The following ST6GALNAC3 variants were observed in gnomAD, a reference collection of about 807,000 sequenced individuals.
ST6GALNAC3 encodes the protein alpha-N-acetylgalactosaminide alpha-2,6-sialyltransferase 3.
ST6GALNAC3 carries 25 observed loss-of-function variants against 32.7 expected under a neutral mutation model. The ratio of observed to expected loss-of-function variants is 0.76; its 90% CI spans 0.56 to 1.07. The LOEUF (loss-of-function observed/expected upper bound fraction) is 1.07. Ranked by LOEUF, ST6GALNAC3 falls within the 50% of genes least tolerant of loss-of-function variation. The probability of loss-of-function intolerance (pLI) is 0.00; values close to 1 mark genes in which losing one functional copy is unlikely to be tolerated. For synonymous variants in ST6GALNAC3, 129 were observed against 133.1 expected, an observed-to-expected ratio of 0.97 and a Z score of 0.21; for missense variants, 355 against 382.4, an observed-to-expected ratio of 0.93 and a Z score of 0.60.
At chr1:76,601,789 G>A (rs1186113352) in intron 3 of ST6GALNAC3, among the ~76,000 whole-genome samples, 5 of 152,186 alleles carry the variant, frequency 3.3e-5, no homozygotes, top group Admixed American at 3.3e-4. Context: ...AATGAGTAAG[G>A]AATGGGAAAG....
intron 1 of ST6GALNAC3, among the ~76,000 whole-genome samples, chr1:76,236,637 G>A (rs1656676986): frequency 6.6e-6 from 1 of 152,090 alleles, no homozygotes; most frequent in African/African-American, 2.4e-5. Flanking sequence ...AGATTTTGAT[G>A]TACCTGAGGC....
At chr1:76,077,973 A>G (rs1415858596) in intron 1 of ST6GALNAC3, among the ~76,000 whole-genome samples, 3 of 152,210 alleles carry the variant, frequency 2.0e-5, no homozygotes, top group Non-Finnish European at 2.9e-5. Context: ...TTAGGTTACA[A>G]TGTGAAGAAT....
At chr1:76,603,436 A>G (rs1647332533) in intron 3 of ST6GALNAC3, among the ~76,000 whole-genome samples, 1 of 152,234 alleles carries the variant, frequency 6.6e-6, no homozygotes, top group East Asian at 1.9e-4. Flanking sequence ...TGGATCTCAC[A>G]AACAAAATAT....
chr1:76,577,403 G>A lies in ST6GALNAC3; in HGVS notation c.624-50049G>A, dbSNP rs1320742865. ...TAGTGGAAATCGCTCTTGTGAAAAC[G>A]AGCCCTGATAGTATCTTGGCTCACT... On this transcript the variant is annotated intron_variant, in intron 3 of 4. Coordinates refer to ENST00000328299, the MANE Select transcript of ST6GALNAC3 (RefSeq NM_152996.4). 6 of 839,870 alleles carry A rather than the reference G, an allele frequency of 7.1e-6. No individual in the cohort carries two copies. In the African/African-American group the frequency reaches 7.4e-5, roughly 10 times the overall value. 52.0% of individuals were successfully genotyped at this position (839,870 alleles called of 1,614,324 possible). A position where few individuals can be genotyped will look rare whatever the true frequency, so the allele number is the denominator to read the frequency against.
Position 76,283,351 on chromosome 1 carries a change from T to C in ST6GALNAC3, c.19-30454T>C, listed in dbSNP as rs541533241. On this transcript the variant is annotated intron_variant, in intron 1 of 4. Transcript: ENST00000328299. The stretch of plus-strand genomic sequence containing the variant: ...TTACCTGAATTGGTAATGGTTTTCT[T>C]TTTTTCTATGTTATAATAGAATCTT... Among the ~76,000 whole-genome samples, 50 of 152,144 alleles carry C rather than the reference T, an allele frequency of 3.3e-4. 2 individuals carry two copies. In the South Asian group the frequency reaches 0.01, roughly 31 times the overall value.
chr1:76,083,301 C>A (rs374936224), intron 1 of ST6GALNAC3, among the ~76,000 whole-genome samples: 90 of 152,372 alleles, frequency 5.9e-4, no homozygotes, highest in African/African-American at 8.7e-4. Context: ...GTGGGATATG[C>A]ACTTGCGGTG....
chr1:76,550,622 C>T lies in ST6GALNAC3; in HGVS notation c.624-76830C>T, dbSNP rs547858264. ...GCTTGAGTTTGAATCCTAACAATGC[C>T]ACTGCCTAGCCATGGGATCTTGAAA... On this transcript the variant is annotated intron_variant, in intron 3 of 4. Transcript: ENST00000328299. Among the ~76,000 whole-genome samples the T allele has an allele frequency of 5.3e-5, 8 of 152,252 alleles. No homozygotes were observed. In the South Asian group the frequency reaches 1.7e-3, roughly 32 times the overall value.
At chr1:76,089,113 C>G (rs948663907) in intron 1 of ST6GALNAC3, among the ~76,000 whole-genome samples, 1 of 152,174 alleles carries the variant, frequency 6.6e-6, no homozygotes, top group Non-Finnish European at 1.5e-5. Flanking sequence ...ACTGCAAGCT[C>G]CACCTCCCGG....
intron 1 of ST6GALNAC3, among the ~76,000 whole-genome samples, chr1:76,082,656 A>G (rs1646912507): frequency 6.6e-6 from 1 of 152,158 alleles, no homozygotes; most frequent in Non-Finnish European, 1.5e-5. Flanking sequence ...CTGGGATATT[A>G]AGAGACTTTA....
rs544617839 is a variant in ST6GALNAC3 at position 76,395,881 on chromosome 1, A to G, written c.214-16127A>G. On this transcript the variant is annotated intron_variant, in intron 2 of 4. Coordinates refer to ENST00000328299, the MANE Select transcript of ST6GALNAC3 (RefSeq NM_152996.4). ...GGGTACAAATACACCATTAGAAGGA[A>G]TAAGTTCTAATGTTTGATAGCAGAG... 2.6e-5 allele frequency among the ~76,000 whole-genome samples: 4 copies of G among 152,312 alleles called. No individual in the cohort carries two copies. In the East Asian group the frequency reaches 7.7e-4, roughly 29 times the overall value.
intron 2 of ST6GALNAC3, among the ~76,000 whole-genome samples, chr1:76,321,305 G>A (rs1646962681): frequency 6.6e-6 from 1 of 152,142 alleles, no homozygotes; most frequent in African/African-American, 2.4e-5. Flanking sequence ...GACAGAATGA[G>A]ACAAAGACAC....
chr1:76,185,783 A>G (rs1049725199), intron 1 of ST6GALNAC3, among the ~76,000 whole-genome samples: 61 of 152,178 alleles, frequency 4.0e-4, no homozygotes, highest in African/African-American at 1.4e-3. Context: ...TTCTGCATCC[A>G]TGGATTCAAC....
intron 1 of ST6GALNAC3, among the ~76,000 whole-genome samples, chr1:76,306,581 C>A (rs551211786): frequency 5.9e-5 from 9 of 151,696 alleles, no homozygotes; most frequent in African/African-American, 1.9e-4. Context: ...ATGGGTACCA[C>A]TGTAATAAAT....
At chr1:76,305,413 A>G (rs1426047058) in intron 1 of ST6GALNAC3, among the ~76,000 whole-genome samples, 1 of 152,078 alleles carries the variant, frequency 6.6e-6, no homozygotes, top group Non-Finnish European at 1.5e-5. Context: ...TAGAGAGGCA[A>G]GAGGAGATGT....
At chr1:76,409,398 C>A (rs1414348037) in intron 2 of ST6GALNAC3, among the ~76,000 whole-genome samples, 1 of 151,954 alleles carries the variant, frequency 6.6e-6, no homozygotes, top group Non-Finnish European at 1.5e-5. Flanking sequence ...TAAACACATG[C>A]CTTTGTCGGT....
chr1:76,387,244 C>A (rs1222706600), intron 2 of ST6GALNAC3, among the ~76,000 whole-genome samples: 4 of 152,042 alleles, frequency 2.6e-5, no homozygotes, highest in African/African-American at 9.7e-5. Context: ...TTTTACCTTC[C>A]CTCTCGGCAC....
chr1:76,544,139 C>G (rs1322521585), intron 3 of ST6GALNAC3, among the ~76,000 whole-genome samples: 1 of 151,220 alleles, frequency 6.6e-6, no homozygotes, highest in Non-Finnish European at 1.5e-5. Context: ...AGGAAATAGA[C>G]ATGGTTCTCT....
chr1:76,303,429 G>C (rs943895396), intron 1 of ST6GALNAC3, among the ~76,000 whole-genome samples: 1 of 151,948 alleles, frequency 6.6e-6, no homozygotes, highest in Non-Finnish European at 1.5e-5. Context: ...AGCGTGAAAC[G>C]GCCTTAGGTT....
chr1:76,365,444 C>T (rs1650292287), intron 2 of ST6GALNAC3, among the ~76,000 whole-genome samples: 1 of 152,198 alleles, frequency 6.6e-6, no homozygotes, highest in African/African-American at 2.4e-5. Flanking sequence ...ATCCATGTAA[C>T]AAACCTGCAC....
Sources: gnomAD v4.1 joint callset for allele counts (sites outside exome capture counted in the v4.1 genomes callset) on GRCh38, gnomAD v4.1.1 for gene constraint, MANE v1.5 for transcripts, NCBI Gene and HGNC (gene_info 2026-07-23, HGNC 2026-07-21) for gene names.